The following PLCG2 variants were observed in gnomAD, a reference collection of about 807,000 sequenced individuals.
The protein encoded by PLCG2 is phospholipase C gamma 2, also known as 1-phosphatidylinositol 4,5-bisphosphate phosphodiesterase gamma-2.
PLCG2 carries 69 observed loss-of-function variants against 175.6 expected under a neutral mutation model. That is an observed-to-expected ratio of 0.39 (90% confidence interval 0.32 to 0.48). The LOEUF (loss-of-function observed/expected upper bound fraction) is 0.48, where lower values mean the gene tolerates loss of function less well. PLCG2 is among the 20% of genes least tolerant of loss of function. PLCG2 has a pLI of 0.91. For synonymous variants in PLCG2, 827 were observed against 624.0 expected (o/e 1.33, Z -4.85); for missense variants, 1,798 against 1,650.9 (o/e 1.09, Z -1.54).
intron 2 of PLCG2, among the ~76,000 whole-genome samples, chr16:81,808,566 T>C (rs1023467245): frequency 3.3e-5 from 5 of 152,162 alleles, no homozygotes; most frequent in Non-Finnish European, 7.3e-5. Flanking sequence ...TGATCTCGGC[T>C]CGCTACAACC....
At chr16:81,774,826 C>T (rs116746659), upstream of PLCG2, among the ~76,000 whole-genome samples, 1,818 of 151,886 alleles carry the variant, frequency 0.012, 38 homozygotes, top group African/African-American at 0.042. Context: ...CTGCCTGCAA[C>T]CTCTGCCTCC....
At chr16:81,850,395 T>C (rs1267227173) in intron 2 of PLCG2, among the ~76,000 whole-genome samples, 1 of 152,128 alleles carries the variant, frequency 6.6e-6, no homozygotes, top group Non-Finnish European at 1.5e-5. Flanking sequence ...AAAGGATCTT[T>C]CTGTTTGTTT....
intron 22 of PLCG2, among the ~76,000 whole-genome samples, chr16:81,926,472 G>C (rs575922379): frequency 6.6e-6 from 1 of 152,206 alleles, no homozygotes; most frequent in Non-Finnish European, 1.5e-5. Flanking sequence ...ATTATGTCCC[G>C]TGTTGTTAGT....
intron 18 of PLCG2, among the ~76,000 whole-genome samples, chr16:81,911,766 G>A (rs1909633840): frequency 6.7e-6 from 1 of 149,502 alleles, no homozygotes; most frequent in Non-Finnish European, 1.5e-5. Flanking sequence ...GCACGCCACT[G>A]GGCCTGGCTA....
chr16:81,929,870 T>C (rs985235380), intron 24 of PLCG2, among the ~76,000 whole-genome samples: 2 of 152,270 alleles, frequency 1.3e-5, no homozygotes, highest in African/African-American at 4.8e-5. Context: ...CATCCACTTC[T>C]GGTGCTCTTT....
In PLCG2 at chr16:81,936,436, G is replaced by C. The variant is rs1414965385; in HGVS notation, c.3052+58G>C. 3.5e-6 allele frequency: 5 copies of C among 1,410,838 alleles called. No homozygotes were observed. The African/African-American group carries it at 4.2e-5, about 12-fold the overall frequency. The allele number at this position is 1,410,838 out of a possible 1,614,324, so 87.4% of individuals were successfully genotyped here. The stretch of plus-strand genomic sequence containing the variant: ...CAAGGTGGCGGTTGCAGTCACTCCA[G>C]GCCGAGTCACCTTGGGTCAGCGATA... On this transcript the variant is annotated intron_variant, in intron 27 of 32. Coordinates refer to ENST00000564138, the MANE Select transcript of PLCG2 (RefSeq NM_002661.5).
intron 2 of PLCG2, among the ~76,000 whole-genome samples, chr16:81,772,702 C>G (rs1020674433): frequency 2.0e-5 from 3 of 151,210 alleles, no homozygotes; most frequent in Non-Finnish European, 4.4e-5. Context: ...CCTGTAATCC[C>G]AGCTACTCGG....
At chr16:81,778,699 T>C (rs1348740992), upstream of PLCG2, among the ~76,000 whole-genome samples, 4 of 152,200 alleles carry the variant, frequency 2.6e-5, no homozygotes, top group Non-Finnish European at 5.9e-5. Flanking sequence ...GTGGTCTGCC[T>C]AAGGTAGCAG....
At chr16:81,860,143 C>CTATTATTATTATTATTAT (rs763477650) in intron 5 of PLCG2, among the ~76,000 whole-genome samples, 40 of 126,444 alleles carry the variant, frequency 3.2e-4, no homozygotes, top group Non-Finnish European at 4.6e-4. Context: ...GGCTTATTTA[C>CTATTATTATTATTATTAT]TATTATTATT....
rs185819419 is a variant in PLCG2 at position 81,892,120 on chromosome 16, G to T, written c.986+530G>T. Among the ~76,000 whole-genome samples, 55 of 152,314 alleles carry T rather than the reference G, an allele frequency of 3.6e-4. No homozygotes were observed. In the East Asian group the frequency reaches 8.7e-3, roughly 24 times the overall value. On this transcript the variant is annotated intron_variant, in intron 11 of 32. Coordinates refer to ENST00000564138, the MANE Select transcript of PLCG2 (RefSeq NM_002661.5). ...GCAAGGAGAAGTGTTTCAGACAGAG[G>T]AGCAGCATGTGCCAAGGCCCTGGGG...
intron 2 of PLCG2, among the ~76,000 whole-genome samples, chr16:81,847,457 C>T (rs1023176588): frequency 3.3e-5 from 5 of 152,102 alleles, no homozygotes; most frequent in African/African-American, 1.2e-4. Flanking sequence ...AGTTCCAACC[C>T]TCTAATCACA....
chr16:81,917,978 C>T (rs1355177517), intron 19 of PLCG2, among the ~76,000 whole-genome samples: 2 of 152,194 alleles, frequency 1.3e-5, no homozygotes, highest in Non-Finnish European at 2.9e-5. Context: ...CTGCCTTGGC[C>T]TCCCAAAGTG....
rs201917839 is a variant in PLCG2, at chr16:81,910,515, C to T, written c.1734-5C>T. The T allele has an allele frequency of 7.9e-5, 128 of 1,613,470 alleles. No homozygotes were observed. The highest frequency in any genetic ancestry group is 9.7e-5 in the Non-Finnish European group (114 of 1,179,856). ...CCCAGCACTGATGGCGTCCTCTCCCCGCAGGCGGTCAGGCCGGGTCCAGCA... is the reference window on the plus strand; with the variant it reads ...CCCAGCACTGATGGCGTCCTCTCCCTGCAGGCGGTCAGGCCGGGTCCAGCA... On this transcript the variant is annotated splice_polypyrimidine_tract_variant and splice_region_variant and intron_variant, in intron 17 of 32. Transcript: ENST00000564138.
intron 13 of PLCG2, among the ~76,000 whole-genome samples, chr16:81,899,782 C>T (rs888369420): frequency 1.2e-4 from 19 of 152,194 alleles, no homozygotes; most frequent in Non-Finnish European, 2.2e-4. Context: ...GCACGAATTA[C>T]AGTGATGCTG....
At chr16:81,862,706 CAGAA>C (rs1430645141) in intron 5 of PLCG2, among the ~76,000 whole-genome samples, 2 of 152,018 alleles carry the variant, frequency 1.3e-5, no homozygotes. Context: ...CCTGTCTATA[CAGAA>C]AGTACAAAAA....
At chr16:81,781,345 C>T (rs1186007650) in intron 1 of PLCG2, among the ~76,000 whole-genome samples, 3 of 152,002 alleles carry the variant, frequency 2.0e-5, no homozygotes, top group Non-Finnish European at 2.9e-5. Context: ...GGCTACTGAG[C>T]GTTCTTCAGT....
At chr16:81,760,472 C>T (rs948299163) in intron 2 of PLCG2, among the ~76,000 whole-genome samples, 8 of 152,078 alleles carry the variant, frequency 5.3e-5, no homozygotes, top group East Asian at 1.9e-4. Context: ...CAGAGCTGAG[C>T]GTCCCTACCC....
At chr16:81,788,390 C>T (rs910877197) in intron 2 of PLCG2, among the ~76,000 whole-genome samples, 3 of 152,186 alleles carry the variant, frequency 2.0e-5, no homozygotes, top group Non-Finnish European at 4.4e-5. Flanking sequence ...ATGCCATTCT[C>T]CTGCCTCAGC....
chr16:81,861,193 C>T (rs768089641), intron 5 of PLCG2, among the ~76,000 whole-genome samples: 4 of 152,154 alleles, frequency 2.6e-5, no homozygotes, highest in Admixed American at 6.5e-5. Context: ...ATATTCCTTT[C>T]ATTCATTCTT....
Sources: allele counts gnomAD v4.1 joint callset (sites outside exome capture counted in the v4.1 genomes callset), GRCh38; gene constraint gnomAD v4.1.1; transcripts MANE v1.5; gene names NCBI Gene and HGNC (gene_info 2026-07-23, HGNC 2026-07-21).